PRIM1: variants seen among roughly 807,000 people sequenced by gnomAD.
PRIM1 encodes the protein DNA primase subunit 1.
Under a neutral mutation model 60.2 loss-of-function variants are expected in PRIM1, and 38 were observed. The ratio of observed to expected loss-of-function variants is 0.63; its 90% confidence interval spans 0.49 to 0.83. The LOEUF is 0.83. Ranked by LOEUF, PRIM1 falls within the 40% of genes least tolerant of loss-of-function variation. The pLI is 0.00. For synonymous variants in PRIM1, 158 were observed against 160.2 expected (o/e 0.99, Z 0.10); for missense variants, 388 against 506.2 (o/e 0.77, Z 2.24).
intron 12 of PRIM1, 132 bp from the exon 13 acceptor site, chr12:56,731,866 C>G: frequency 1.4e-6 from 1 of 710,498 alleles, no homozygotes; most frequent in Non-Finnish European, 2.2e-6. Flanking sequence ...TACACATTTG[C>G]TGAAGTCCAC....
At chr12:56,736,080 G>C (rs377278427) in intron 11 of PRIM1, among the ~76,000 whole-genome samples, 153 of 151,268 alleles carry the variant, frequency 1.0e-3, no homozygotes, top group African/African-American at 3.5e-3. Context: ...GGTGGATTAC[G>C]TGAGGTCGTG....
chr12:56,746,703 C>CAGAGACTA (rs1264125404), intron 4 of PRIM1, 78 bp downstream of exon 4: 3 of 1,218,964 alleles, frequency 2.5e-6, no homozygotes, highest in Non-Finnish European at 3.6e-6. Flanking sequence ...TCACAAAATA[C>CAGAGACTA]AGAGACTAAT....
rs1276862248 is a variant in PRIM1, at chr12:56,741,523, G to A, written c.894C>T (p.Leu298=). 2 of 1,613,494 alleles carry A rather than the reference G, an allele frequency of 1.2e-6. No individual in the cohort carries two copies. The highest frequency in any genetic ancestry group is 1.1e-5 in the South Asian group (1 of 91,022). Residue 298 remains leucine, a synonymous_variant, in exon 9 of 13, where the codon CTC becomes CTT. Coordinates refer to ENST00000338193, the MANE Select transcript of PRIM1 (RefSeq NM_000946.3). ...TATCCAGCCGTGGAAAACAGTACTG[G>A]AGCATAATCTCCCACTCCAGCCAGG... ...YGPWLEWEIM[L]QYCFPRLDIN... is the part of the protein sequence containing the mutation.
At chr12:56,744,044 T>A (rs1026565) in intron 6 of PRIM1, 21 bp downstream of exon 6, 979,880 of 1,533,860 alleles carry the variant, frequency 0.64, 315,567 homozygotes, top group South Asian at 0.74. Context: ...CTTAAAGTGC[T>A]TGGAGACTTT....
intron 1 of PRIM1, 89 bp from the exon 2 acceptor site, chr12:56,751,284 TC>T: frequency 3.1e-6 from 3 of 967,660 alleles, no homozygotes; most frequent in Non-Finnish European, 4.3e-6. Flanking sequence ...GTTTTTTTTT[TC>T]GGTGAGGGAA....
At chr12:56,745,350 G>A (rs1953898913) in intron 5 of PRIM1, among the ~76,000 whole-genome samples, 1 of 151,924 alleles carries the variant, frequency 6.6e-6, no homozygotes, top group African/African-American at 2.4e-5. Context: ...GGTCAAGGCT[G>A]CAGTGAGCTG....
At position 56,746,815 on chromosome 12, in the gene PRIM1, T is replaced by G. The variant is rs148292994; in HGVS notation, c.408A>C (p.Thr136=). 1.2e-6 allele frequency: 2 copies of G among 1,613,906 alleles called. No individual in the cohort carries two copies. Among genetic ancestry groups the G allele is most frequent in the Non-Finnish European group, 1.7e-6 (2 of 1,179,860 alleles). ...CTCTGTCAATGATGCGTATGGCCAT[T>G]GTCATGAGGGTCCAGCACTTAGGAC... The part of the protein sequence containing the change: ...DICPKCWTLM[T]MAIRIIDRAL... Residue 136 remains threonine, a synonymous_variant, in exon 4 of 13, where the codon ACA becomes ACC. Coordinates refer to ENST00000338193, the MANE Select transcript of PRIM1 (RefSeq NM_000946.3).
At chr12:56,750,798 T>TA (rs1377088153) in intron 2 of PRIM1, among the ~76,000 whole-genome samples, 1 of 152,156 alleles carries the variant, frequency 6.6e-6, no homozygotes, top group Non-Finnish European at 1.5e-5. Context: ...CTCTTCCTAG[T>TA]AGCTAGATAC....
rs148292994 is a variant in PRIM1, at chr12:56,746,815, T to C, written c.408A>G (p.Thr136=). 1.9e-6 allele frequency: 3 copies of C among 1,613,906 alleles called. No homozygotes were observed. Among genetic ancestry groups the C allele is most frequent in the Non-Finnish European group, 2.5e-6 (3 of 1,179,860 alleles). The change falls in exon 4 of 13, where the codon ACA becomes ACG. Residue 136 remains threonine, a synonymous_variant. Transcript: ENST00000338193. The stretch of plus-strand genomic sequence containing the variant: ...CTCTGTCAATGATGCGTATGGCCAT[T>C]GTCATGAGGGTCCAGCACTTAGGAC... ...DICPKCWTLM[T]MAIRIIDRAL...
intron 2 of PRIM1, among the ~76,000 whole-genome samples, chr12:56,747,367 G>A (rs1400935635): frequency 6.8e-6 from 1 of 147,918 alleles, no homozygotes; most frequent in Admixed American, 7.0e-5. Context: ...ACCTTTACTT[G>A]TTACCATACA....
At chr12:56,736,635 C>G (rs1953833349) in intron 11 of PRIM1, among the ~76,000 whole-genome samples, 1 of 151,884 alleles carries the variant, frequency 6.6e-6, no homozygotes, top group Non-Finnish European at 1.5e-5. Context: ...TCCTGAATAG[C>G]TGGGACTACA....
chr12:56,742,468 C>G (rs2137863655), intron 7 of PRIM1, among the ~76,000 whole-genome samples: 2 of 152,046 alleles, frequency 1.3e-5, no homozygotes, highest in East Asian at 1.9e-4. Flanking sequence ...ATTTGGGAGG[C>G]TGAGGCAGGA....
At position 56,747,365 on chromosome 12, in the gene PRIM1, T is replaced by C. The variant is rs74632695; in HGVS notation, c.262-333A>G. 2.8e-3 allele frequency among the ~76,000 whole-genome samples: 420 copies of C among 149,272 alleles called. 2 individuals carry two copies. The highest frequency in any genetic ancestry group is 0.01 in the African/African-American group (409 of 40,788). ...TGCAAGGTGTTTTAAGAACCTTTAC[T>C]TGTTACCATACATAGAAGTATTTAA... On this transcript the variant is annotated intron_variant, in intron 2 of 12. Coordinates refer to ENST00000338193, the MANE Select transcript of PRIM1 (RefSeq NM_000946.3).
In PRIM1 at chr12:56,744,120, C is replaced by A. The variant is rs1953890674; in HGVS notation, c.583G>T (p.Gly195Cys). 6.4e-7 allele frequency: 1 copy of A among 1,556,692 alleles called. No individual in the cohort carries two copies. Among genetic ancestry groups the A allele is most frequent in the East Asian group, 2.3e-5 (1 of 42,724 alleles). Residue 195 changes from glycine to cysteine, a missense_variant, in exon 6 of 13, where the codon GGT becomes TGT. This residue lies in a region of PRIM1 where 211 missense variants were observed against 277.9 expected (regional missense o/e 0.76). Transcript: ENST00000338193. ...TGAACTTTCTTTTTAACGTCTTGACCACCCTGAAAAATAAATCATTAAAAA... is the reference window on the plus strand; with the variant it reads ...TGAACTTTCTTTTTAACGTCTTGACAACCCTGAAAAATAAATCATTAAAAA... ...IVEYLSLVKG[G>C]QDVKKKVHLS...
intron 2 of PRIM1, among the ~76,000 whole-genome samples, chr12:56,750,648 G>A (rs1008671138): frequency 2.0e-5 from 3 of 147,992 alleles, no homozygotes; most frequent in African/African-American, 5.0e-5. Flanking sequence ...GGAGTGCAAT[G>A]GCGCGATCTT....
In PRIM1 at chr12:56,734,139, C is replaced by T. The variant is rs376209121; in HGVS notation, c.1243+8G>A. On this transcript the variant is annotated splice_region_variant and intron_variant, in intron 12 of 12. Coordinates refer to ENST00000338193, the MANE Select transcript of PRIM1 (RefSeq NM_000946.3). ...AACTAGATAGAAGGGAAAGGCATAG[C>T]GTCTTACCACTCTTCTTAAGAAGTT... is the stretch of plus-strand genomic sequence containing the variant. 24 of 1,560,456 alleles carry T rather than the reference C, an allele frequency of 1.5e-5. No homozygotes were observed. The African/African-American group carries it at 2.6e-4, about 17-fold the overall frequency.
chr12:56,737,351 CTT>C (rs11325782), intron 11 of PRIM1, among the ~76,000 whole-genome samples: 341 of 142,914 alleles, frequency 2.4e-3, no homozygotes, highest in Middle Eastern at 7.3e-3. Context: ...TATGCGGCAT[CTT>C]TTTTTTTTTT....
intron 2 of PRIM1, among the ~76,000 whole-genome samples, chr12:56,749,070 G>A (rs758985288): frequency 6.6e-6 from 1 of 152,068 alleles, no homozygotes; most frequent in Non-Finnish European, 1.5e-5. Flanking sequence ...GTGCAGTGGC[G>A]TGATCTTGAC....
chr12:56,734,814 C>CTT (rs568265117), intron 11 of PRIM1, among the ~76,000 whole-genome samples: 22 of 127,088 alleles, frequency 1.7e-4, no homozygotes, highest in African/African-American at 4.5e-4. Flanking sequence ...CATATATTTT[C>CTT]TTTTTTTTTT....
Sources: gnomAD v4.1 joint callset for allele counts (sites outside exome capture counted in the v4.1 genomes callset) on GRCh38, gnomAD v4.1.1 for gene constraint, gnomAD v4.1.1 regional missense constraint, MANE v1.5 for transcripts, NCBI Gene and HGNC (gene_info 2026-07-23, HGNC 2026-07-21) for gene names.